Variants in INPP4B observed in about 807,000 individuals in gnomAD.
The protein encoded by INPP4B is inositol polyphosphate 4-phosphatase type II.
Under a neutral mutation model 122.5 loss-of-function variants are expected in INPP4B, and 55 were observed. The ratio of observed to expected loss-of-function variants is 0.45; its 90% CI spans 0.36 to 0.56. The LOEUF (loss-of-function observed/expected upper bound fraction) is 0.56, where lower values mean the gene tolerates loss of function less well. Ranked by LOEUF, INPP4B falls within the 20% of genes least tolerant of loss-of-function variation. The pLI is 0.00. For synonymous variants in INPP4B, 403 were observed against 388.7 expected (o/e 1.04, Z -0.43); for missense variants, 1,000 against 1,097.7 (o/e 0.91, Z 1.26).
intron 10 of INPP4B, among the ~76,000 whole-genome samples, chr4:142,270,258 T>A (rs1294356355): frequency 6.6e-6 from 1 of 152,144 alleles, no homozygotes; most frequent in Non-Finnish European, 1.5e-5. Context: ...AAATACAAAT[T>A]AAAATCGCAT....
At chr4:142,531,883 C>G (rs1447275911) in intron 2 of INPP4B, among the ~76,000 whole-genome samples, 1 of 152,096 alleles carries the variant, frequency 6.6e-6, no homozygotes, top group Non-Finnish European at 1.5e-5. Flanking sequence ...ATTGACTAAG[C>G]TGAATATAAC....
chr4:142,757,734 C>T (rs1770711002), intron 1 of INPP4B, among the ~76,000 whole-genome samples: 1 of 126,638 alleles, frequency 7.9e-6, no homozygotes, highest in Admixed American at 7.5e-5. Context: ...TGAATATAAA[C>T]ATCCACGTGC....
At chr4:142,420,277 C>A (rs947816916) in intron 5 of INPP4B, among the ~76,000 whole-genome samples, 2 of 152,020 alleles carry the variant, frequency 1.3e-5, no homozygotes, top group South Asian at 4.1e-4. Flanking sequence ...AAGAATAGAT[C>A]TATTTTATGT....
At chr4:142,323,661 G>T (rs1359638585) in intron 7 of INPP4B, among the ~76,000 whole-genome samples, 1 of 151,780 alleles carries the variant, frequency 6.6e-6, no homozygotes, top group Admixed American at 6.6e-5. Context: ...TAGCCAGGAT[G>T]GTCTCAATCT....
chr4:142,636,176 C>T (rs1376613363), intron 2 of INPP4B, among the ~76,000 whole-genome samples: 3 of 152,056 alleles, frequency 2.0e-5, no homozygotes, highest in African/African-American at 7.2e-5. Flanking sequence ...TGACTTCTGC[C>T]ATGATTGAAA....
chr4:142,233,926 T>C (rs967977315), intron 12 of INPP4B, among the ~76,000 whole-genome samples: 9 of 152,128 alleles, frequency 5.9e-5, no homozygotes, highest in African/African-American at 2.2e-4. Flanking sequence ...TTCTGAGCTC[T>C]TGCATATGTA....
intron 1 of INPP4B, among the ~76,000 whole-genome samples, chr4:142,841,389 C>G (rs537795216): frequency 1.4e-4 from 21 of 152,000 alleles, no homozygotes; most frequent in African/African-American, 5.1e-4. Flanking sequence ...GAAAGCAAAG[C>G]CCCATGAAAA....
intron 1 of INPP4B, among the ~76,000 whole-genome samples, chr4:142,744,671 T>A (rs1768424604): frequency 6.6e-6 from 1 of 151,562 alleles, no homozygotes; most frequent in Admixed American, 6.6e-5. Context: ...TTATATCTAA[T>A]AAAAATATCC....
At chr4:142,120,204 T>TG (rs140917334) in intron 21 of INPP4B, among the ~76,000 whole-genome samples, 19,051 of 152,054 alleles carry the variant, frequency 0.13, 1,360 homozygotes, top group East Asian at 0.23. Flanking sequence ...TTAATCTACA[T>TG]TATATACTTA....
chr4:142,620,997 A>C (rs1430362197), intron 2 of INPP4B, among the ~76,000 whole-genome samples: 1 of 151,938 alleles, frequency 6.6e-6, no homozygotes, highest in Non-Finnish European at 1.5e-5. Context: ...ATATCAAAAA[A>C]ACCTTAAATG....
At chr4:142,283,657 A>G (rs1752218693) in intron 9 of INPP4B, among the ~76,000 whole-genome samples, 1 of 152,154 alleles carries the variant, frequency 6.6e-6, no homozygotes, top group Non-Finnish European at 1.5e-5. Flanking sequence ...TTGTGTACCT[A>G]AACATGGAAA....
Position 142,271,300 on chromosome 4 carries a change from A to G in INPP4B, c.504-526T>C, listed in dbSNP as rs533960641. On this transcript the variant is annotated intron_variant, in intron 9 of 25. Transcript: ENST00000262992. ...GTGAGGTAAGAGCACGGACTGTCGA[A>G]AAGTACCTTAGGAAGATGAAACCTC... 4.6e-5 allele frequency among the ~76,000 whole-genome samples: 7 copies of G among 152,200 alleles called. No homozygotes were observed. The South Asian group carries it at 1.4e-3, about 31-fold the overall frequency.
chr4:142,713,351 G>A (rs1763345550), intron 2 of INPP4B, among the ~76,000 whole-genome samples: 1 of 152,152 alleles, frequency 6.6e-6, no homozygotes. Context: ...AAAGCATTTA[G>A]GTAGAATACA....
chr4:142,305,610 A>G, intron 8 of INPP4B, 73 bp from the exon 9 acceptor site: 1 of 1,537,638 alleles, frequency 6.5e-7, no homozygotes, highest in Non-Finnish European at 8.9e-7. Flanking sequence ...TCAATCAAAC[A>G]AAATGAGTCT....
rs570842399 is a variant in INPP4B at position 142,641,336 on chromosome 4, T to A, written c.-191+84503A>T. Among the ~76,000 whole-genome samples the A allele has an allele frequency of 2.0e-5, 3 of 152,196 alleles. No individual in the cohort carries two copies. The South Asian group carries it at 6.2e-4, about 32-fold the overall frequency. On this transcript the variant is annotated intron_variant, in intron 2 of 25. Transcript: ENST00000262992. ...GCACAATGTGCAGGTTTGTTACACA[T>A]ATATACATGTGCCATGTAGGTGTGC...
At chr4:142,119,594 A>G (rs1795524895) in intron 21 of INPP4B, among the ~76,000 whole-genome samples, 1 of 151,546 alleles carries the variant, frequency 6.6e-6, no homozygotes, top group African/African-American at 2.4e-5. Flanking sequence ...GGAACTGAAC[A>G]ATGAGAACAC....
chr4:142,254,033 G>C (rs934383878), intron 11 of INPP4B, among the ~76,000 whole-genome samples: 9 of 97,714 alleles, frequency 9.2e-5, no homozygotes, highest in Non-Finnish European at 2.3e-4. Flanking sequence ...GCCTCCTCTA[G>C]TGGGTCCCTG....
intron 5 of INPP4B, among the ~76,000 whole-genome samples, chr4:142,416,270 G>A (rs912630305): frequency 1.3e-5 from 2 of 152,066 alleles, no homozygotes; most frequent in Non-Finnish European, 2.9e-5. Flanking sequence ...TTGGGCAGGA[G>A]GTAGCAAGCC....
At chr4:142,413,851 G>T (rs1426735557) in intron 5 of INPP4B, among the ~76,000 whole-genome samples, 1 of 152,072 alleles carries the variant, frequency 6.6e-6, no homozygotes, top group Non-Finnish European at 1.5e-5. Context: ...CATTCTGCTT[G>T]TCTGGTTGTC....
Sources: allele counts gnomAD v4.1 joint callset (sites outside exome capture counted in the v4.1 genomes callset), GRCh38; gene constraint gnomAD v4.1.1; transcripts MANE v1.5; gene names NCBI Gene and HGNC (gene_info 2026-07-23, HGNC 2026-07-21).